Variants in PPP2R2C observed in about 807,000 individuals in gnomAD.
The protein encoded by PPP2R2C is protein phosphatase 2 regulatory subunit Bgamma, also known as protein phosphatase 2, regulatory subunit B, gamma.
In PPP2R2C, 10 loss-of-function variants were observed where a neutral mutation model predicts 45.3. The observed-to-expected ratio is 0.22, with a 90% CI of 0.14 to 0.37. PPP2R2C has a LOEUF of 0.37. PPP2R2C is among the 10% of genes least tolerant of loss of function. The pLI is 1.00. For synonymous variants in PPP2R2C, 257 were observed against 245.4 expected (o/e 1.05, Z -0.44); for missense variants, 308 against 619.7 (o/e 0.50, Z 5.34).
intron 3 of PPP2R2C, among the ~76,000 whole-genome samples, chr4:6,377,925 G>C (rs184338084): frequency 6.6e-6 from 1 of 152,208 alleles, no homozygotes; most frequent in South Asian, 2.1e-4. Flanking sequence ...CTAAACCAAG[G>C]CTCCTCCCAC....
At position 6,441,972 on chromosome 4, in the gene PPP2R2C, T is replaced by C. The variant is rs142248907; in HGVS notation, c.70+30188A>G. Among the ~76,000 whole-genome samples the C allele has an allele frequency of 6.6e-5, 10 of 152,332 alleles. No homozygotes were observed. The East Asian group carries it at 1.2e-3, about 18-fold the overall frequency. Reference sequence around the variant, plus strand: ...TACTCCTGCAGCATATCCCACTGCATAGTGGAAGGCTCCTGACCACCTGGG... The same window carrying C: ...TACTCCTGCAGCATATCCCACTGCACAGTGGAAGGCTCCTGACCACCTGGG... On this transcript the variant is annotated intron_variant, in intron 1 of 8. Transcript: ENST00000382599.
intron 1 of PPP2R2C, among the ~76,000 whole-genome samples, chr4:6,549,417 G>A (rs1577253117): frequency 6.6e-6 from 1 of 152,318 alleles, no homozygotes; most frequent in South Asian, 2.1e-4. Context: ...CCTCCCGGAG[G>A]AGGTGACTTT....
At chr4:6,398,494 T>C (rs1226761842) in intron 1 of PPP2R2C, among the ~76,000 whole-genome samples, 1 of 152,044 alleles carries the variant, frequency 6.6e-6, no homozygotes, top group Non-Finnish European at 1.5e-5. Context: ...AGGAAGCACA[T>C]GGCAAGGGGC....
intron 2 of PPP2R2C, among the ~76,000 whole-genome samples, chr4:6,534,328 C>T (rs1219711105): frequency 6.6e-6 from 1 of 150,894 alleles, no homozygotes; most frequent in African/African-American, 2.4e-5. Flanking sequence ...TCAAAAAACA[C>T]ACATCAACAC....
At chr4:6,504,312 A>C (rs939464778) in intron 2 of PPP2R2C, among the ~76,000 whole-genome samples, 1 of 152,236 alleles carries the variant, frequency 6.6e-6, no homozygotes, top group Non-Finnish European at 1.5e-5. Context: ...TTACAGTCTG[A>C]GTACAGCCAA....
At chr4:6,542,983 G>A (rs1207611642) in intron 1 of PPP2R2C, among the ~76,000 whole-genome samples, 1 of 152,342 alleles carries the variant, frequency 6.6e-6, no homozygotes, top group Admixed American at 6.5e-5. Context: ...AAGCAGGGAG[G>A]CCTGCATTTC....
At chr4:6,455,867 A>G (rs1200716787) in intron 1 of PPP2R2C, among the ~76,000 whole-genome samples, 2 of 151,590 alleles carry the variant, frequency 1.3e-5, no homozygotes, top group South Asian at 4.2e-4. Context: ...ACCACCAACC[A>G]CTGCTGCCCA....
At chr4:6,535,143 C>T in intron 2 of PPP2R2C, 2 of 1,109,108 alleles carry the variant, frequency 1.8e-6, no homozygotes, top group Non-Finnish European at 2.6e-6. Flanking sequence ...AGGGGAGGGA[C>T]CGGATCCCAG....
chr4:6,439,967 T>C (rs769522310), intron 1 of PPP2R2C, among the ~76,000 whole-genome samples: 23 of 152,206 alleles, frequency 1.5e-4, no homozygotes, highest in Admixed American at 7.2e-4. Context: ...TAGAAAACTC[T>C]TGCTAAGCTC....
At chr4:6,547,496 TG>T (rs1279235025) in intron 1 of PPP2R2C, among the ~76,000 whole-genome samples, 1 of 152,100 alleles carries the variant, frequency 6.6e-6, no homozygotes, top group Non-Finnish European at 1.5e-5. Flanking sequence ...CGGGATGCAC[TG>T]GGAAGCCCAC....
At chr4:6,409,019 C>T (rs7434469) in intron 1 of PPP2R2C, among the ~76,000 whole-genome samples, 69,980 of 151,552 alleles carry the variant, frequency 0.46, 16,828 homozygotes, top group East Asian at 0.84. Context: ...TGTAGGCAAA[C>T]AGCTAGAGTG....
At chr4:6,333,837 G>T (rs749219435) in intron 6 of PPP2R2C, 106 bp from the exon 7 acceptor site, 43 of 1,213,374 alleles carry the variant, frequency 3.5e-5, no homozygotes, top group Non-Finnish European at 4.6e-5. Context: ...TGTTTATTCA[G>T]TCATTCATTC....
intron 1 of PPP2R2C, among the ~76,000 whole-genome samples, chr4:6,454,606 CAGA>C (rs1720916612): frequency 6.6e-6 from 1 of 152,206 alleles, no homozygotes; most frequent in Non-Finnish European, 1.5e-5. Context: ...CCATTTAGAG[CAGA>C]AGGTTTGCCC....
At chr4:6,355,182 G>C (rs1713036177) in intron 5 of PPP2R2C, among the ~76,000 whole-genome samples, 2 of 150,072 alleles carry the variant, frequency 1.3e-5, no homozygotes, top group Admixed American at 6.8e-5. Flanking sequence ...GCACACAGTA[G>C]GTGTTTAGTA....
chr4:6,334,594 T>A (rs1332375314), intron 6 of PPP2R2C, among the ~76,000 whole-genome samples: 1 of 152,162 alleles, frequency 6.6e-6, no homozygotes, highest in Non-Finnish European at 1.5e-5. Flanking sequence ...GGGGCTGAAG[T>A]AGCGTGGGGA....
chr4:6,534,974 G>C (rs1577244822), intron 2 of PPP2R2C, among the ~76,000 whole-genome samples: 2 of 152,232 alleles, frequency 1.3e-5, no homozygotes, highest in Admixed American at 1.3e-4. Context: ...TCCTGCCCCA[G>C]CTGCCTGACA....
At chr4:6,496,754 G>C (rs1302600557) in intron 2 of PPP2R2C, among the ~76,000 whole-genome samples, 1 of 152,032 alleles carries the variant, frequency 6.6e-6, no homozygotes, top group East Asian at 1.9e-4. Flanking sequence ...CCAGCTACTT[G>C]GGAGGCTGAG....
intron 1 of PPP2R2C, among the ~76,000 whole-genome samples, chr4:6,395,222 C>G (rs965549582): frequency 5.3e-5 from 8 of 152,174 alleles, no homozygotes; most frequent in Admixed American, 2.6e-4. Flanking sequence ...CACCCTCTCG[C>G]TCTCCACTCC....
upstream of PPP2R2C, among the ~76,000 whole-genome samples, chr4:6,477,113 G>C (rs1461598178): frequency 6.6e-6 from 1 of 152,148 alleles, no homozygotes; most frequent in Non-Finnish European, 1.5e-5. Flanking sequence ...AAATTAGCCA[G>C]GCATGGTGGT....
Sources: allele counts gnomAD v4.1 joint callset (sites outside exome capture counted in the v4.1 genomes callset), GRCh38; gene constraint gnomAD v4.1.1; transcripts MANE v1.5; gene names NCBI Gene and HGNC (gene_info 2026-07-23, HGNC 2026-07-21).